Variants in AKAP13 observed in about 807,000 individuals in gnomAD.
AKAP13 encodes the protein A-kinase anchoring protein 13.
A neutral mutation model predicts 264.5 loss-of-function variants in AKAP13; 80 were observed. The observed-to-expected ratio is 0.30, with a 90% CI of 0.25 to 0.36. The LOEUF (loss-of-function observed/expected upper bound fraction) is 0.36. AKAP13 is among the 10% of genes least tolerant of loss of function. AKAP13 has a pLI of 1.00. For missense variants in AKAP13, 3,712 were observed against 3,435.2 expected, an observed-to-expected ratio of 1.08 and a Z score of -2.01; for synonymous variants, 1,380 against 1,250.2, an observed-to-expected ratio of 1.10 and a Z score of -2.19.
chr15:85,425,976 A>G lies in AKAP13; in HGVS notation c.-12+45178A>G, dbSNP rs567277438. On this transcript the variant is annotated intron_variant, in intron 1 of 36. Coordinates refer to ENST00000394518, the MANE Select transcript of AKAP13 (RefSeq NM_007200.5). ...TGAAGAGAGAAAATAAGAGACATCT[A>G]TAAAGTAATGCCTTTCTAATGCTAT... Among the ~76,000 whole-genome samples, 6 of 152,260 alleles carry G rather than the reference A, an allele frequency of 3.9e-5. No individual in the cohort carries two copies. The South Asian group carries it at 1.0e-3, about 26-fold the overall frequency.
At chr15:85,705,048 C>T (rs1015481821) in intron 17 of AKAP13, among the ~76,000 whole-genome samples, 4 of 152,106 alleles carry the variant, frequency 2.6e-5, no homozygotes, top group East Asian at 1.9e-4. Context: ...TAATATAGAG[C>T]GTGTTAAACT....
At chr15:85,738,004 A>G (rs2088665765) in intron 33 of AKAP13, among the ~76,000 whole-genome samples, 1 of 152,234 alleles carries the variant, frequency 6.6e-6, no homozygotes, top group South Asian at 2.1e-4. Flanking sequence ...AAGAAATAGT[A>G]CAAGACCTGT....
At chr15:85,673,267 C>T (rs2084016757) in intron 14 of AKAP13, among the ~76,000 whole-genome samples, 1 of 152,162 alleles carries the variant, frequency 6.6e-6, no homozygotes, top group Admixed American at 6.5e-5. Flanking sequence ...TAAAATATTT[C>T]TGTATCACTT....
intron 2 of AKAP13, among the ~76,000 whole-genome samples, chr15:85,486,659 G>A (rs1229497528): frequency 7.3e-5 from 11 of 151,494 alleles, no homozygotes; most frequent in Admixed American, 4.6e-4. Flanking sequence ...GTATAAACTT[G>A]GTACTTCCTT....
intron 3 of AKAP13, among the ~76,000 whole-genome samples, chr15:85,532,814 A>G (rs2077283551): frequency 6.6e-6 from 1 of 152,186 alleles, no homozygotes; most frequent in Admixed American, 6.5e-5. Context: ...TTCTGCCTCC[A>G]ATCATCACTC....
chr15:85,475,815 A>C (rs2075142268), intron 1 of AKAP13, among the ~76,000 whole-genome samples: 1 of 152,180 alleles, frequency 6.6e-6, no homozygotes, highest in South Asian at 2.1e-4. Flanking sequence ...TTGCCATCAA[A>C]CTATGGTGCA....
At chr15:85,575,828 C>T (rs1273446117) in intron 6 of AKAP13, among the ~76,000 whole-genome samples, 2 of 151,976 alleles carry the variant, frequency 1.3e-5, no homozygotes, top group Non-Finnish European at 2.9e-5. Flanking sequence ...AACTCTGGCT[C>T]TACAGAAGTT....
At chr15:85,739,154 T>C (rs1237614379) in intron 33 of AKAP13, among the ~76,000 whole-genome samples, 4 of 152,240 alleles carry the variant, frequency 2.6e-5, no homozygotes, top group African/African-American at 9.6e-5. Flanking sequence ...AAAATCTTTG[T>C]ACATACATTG....
At chr15:85,467,167 G>T (rs1016685488) in intron 1 of AKAP13, among the ~76,000 whole-genome samples, 1 of 151,656 alleles carries the variant, frequency 6.6e-6, no homozygotes, top group East Asian at 1.9e-4. Context: ...TTATACTGTT[G>T]ATTATTCATT....
chr15:85,609,875 C>G (rs1431818811), intron 8 of AKAP13, among the ~76,000 whole-genome samples: 1 of 152,184 alleles, frequency 6.6e-6, no homozygotes, highest in Non-Finnish European at 1.5e-5. Context: ...AAAACAGCAT[C>G]TTTTCTTTCT....
intron 8 of AKAP13, among the ~76,000 whole-genome samples, chr15:85,621,900 C>T (rs2081208327): frequency 2.6e-5 from 4 of 152,124 alleles, no homozygotes; most frequent in Admixed American, 2.6e-4. Flanking sequence ...TTTGTACTAT[C>T]CTGCCCAATA....
At chr15:85,552,172 T>C (rs111609805) in intron 5 of AKAP13, among the ~76,000 whole-genome samples, 2 of 152,244 alleles carry the variant, frequency 1.3e-5, no homozygotes, top group African/African-American at 4.8e-5. Context: ...GCCTGTTCTG[T>C]TTTGAAAGTT....
chr15:85,566,626 CTTTTTTT>C (rs35129066), intron 5 of AKAP13, among the ~76,000 whole-genome samples: 142 of 135,292 alleles, frequency 1.0e-3, no homozygotes, highest in Admixed American at 1.6e-3. Flanking sequence ...AAATAACTTA[CTTTTTTT>C]TTTTTTTTTT....
chr15:85,528,412 G>A (rs2077149227), intron 3 of AKAP13, among the ~76,000 whole-genome samples: 2 of 152,152 alleles, frequency 1.3e-5, no homozygotes, highest in African/African-American at 4.8e-5. Flanking sequence ...TAGAGTATTA[G>A]GGATCTGTTT....
At chr15:85,726,382 C>G (rs779565382) in intron 26 of AKAP13, 28 bp from the exon 27 acceptor site, 1 of 1,590,192 alleles carries the variant, frequency 6.3e-7, no homozygotes, top group South Asian at 1.1e-5. Context: ...ATCGTTTTAT[C>G]TTCCCTTCTC....
At chr15:85,391,076 G>C (rs1472118990) in intron 1 of AKAP13, among the ~76,000 whole-genome samples, 2 of 152,106 alleles carry the variant, frequency 1.3e-5, no homozygotes, top group Admixed American at 6.5e-5. Context: ...TCCATAATAG[G>C]GGCTCATGGC....
At chr15:85,462,121 C>T (rs936283986) in intron 1 of AKAP13, among the ~76,000 whole-genome samples, 2 of 152,120 alleles carry the variant, frequency 1.3e-5, no homozygotes, top group African/African-American at 2.4e-5. Context: ...ATGTGGAAGA[C>T]CAGCAGTCAC....
intron 1 of AKAP13, among the ~76,000 whole-genome samples, chr15:85,482,697 TC>T (rs2151049208): frequency 6.6e-6 from 1 of 152,340 alleles, no homozygotes; most frequent in South Asian, 2.1e-4. Context: ...CTTTGAAAGA[TC>T]AATTTTTTTC....
chr15:85,740,927 A>AGG (rs1261308997), intron 34 of AKAP13, 119 bp from the exon 35 acceptor site: 2 of 1,459,188 alleles, frequency 1.4e-6, no homozygotes, highest in African/African-American at 2.8e-5. Context: ...TTGAAAAATG[A>AGG]GGGGAGAGTT....
Sources: allele counts gnomAD v4.1 joint callset (sites outside exome capture counted in the v4.1 genomes callset), GRCh38; gene constraint gnomAD v4.1.1; transcripts MANE v1.5; gene names NCBI Gene and HGNC (gene_info 2026-07-23, HGNC 2026-07-21).